The following TRIM35 variants were observed in gnomAD, a reference collection of about 807,000 sequenced individuals.
TRIM35 encodes the protein E3 ubiquitin-protein ligase TRIM35.
In TRIM35, 37 loss-of-function variants were observed where a neutral mutation model predicts 49.1. The observed-to-expected ratio is 0.75, with a 90% CI of 0.58 to 0.99. The LOEUF (loss-of-function observed/expected upper bound fraction) is 0.99. TRIM35 is among the 50% of genes least tolerant of loss of function. TRIM35 has a pLI of 0.00. For missense variants in TRIM35, 648 were observed against 702.7 expected, an observed-to-expected ratio of 0.92 and a Z score of 0.88; for synonymous variants, 302 against 289.3, an observed-to-expected ratio of 1.04 and a Z score of -0.45.
At position 27,294,278 on chromosome 8, in the gene TRIM35, C is replaced by T; in HGVS notation, c.564G>A (p.Arg188=). ...VEAAWLEGRI[R]QEFDKLREFL... ...ACTCGCGAAGCTTATCAAACTCCTG[C>T]CGGATCCGGCCTTCCAGCCATGCAG... is the stretch of plus-strand genomic sequence containing the variant. The change falls in exon 3 of 6, where the codon CGG becomes CGA. Residue 188 remains arginine (R), a synonymous_variant. Coordinates refer to ENST00000305364, the MANE Select transcript of TRIM35 (RefSeq NM_171982.5). The T allele has an allele frequency of 6.2e-7, 1 of 1,614,050 alleles. No homozygotes were observed. The highest frequency in any genetic ancestry group is 1.6e-4 in the Middle Eastern group (1 of 6,062).
rs527549535 is a variant in TRIM35, at chr8:27,294,279, C to A, written c.563G>T (p.Arg188Leu). Reference protein sequence around the residue: ...VEAAWLEGRIRQEFDKLREFL... With the variant: ...VEAAWLEGRILQEFDKLREFL... ...CTCGCGAAGCTTATCAAACTCCTGC[C>A]GGATCCGGCCTTCCAGCCATGCAGC... The change falls in exon 3 of 6, where the codon CGG (arginine) becomes CTG (leucine). Residue 188 changes from arginine to leucine, a missense_variant. Transcript: ENST00000305364. The A allele has an allele frequency of 6.2e-7, 1 of 1,614,028 alleles. No individual in the cohort carries two copies.
At chr8:27,289,886 G>A (rs912249878) in intron 4 of TRIM35, among the ~76,000 whole-genome samples, 2 of 152,152 alleles carry the variant, frequency 1.3e-5, no homozygotes, top group African/African-American at 4.8e-5. Flanking sequence ...GCCACATGCA[G>A]GATAGTGTTC....
Position 27,287,068 on chromosome 8 carries a change from A to C in TRIM35, c.*482T>G. 6.4e-6 allele frequency: 1 copy of C among 155,494 alleles called. No homozygotes were observed. The highest frequency in any genetic ancestry group is 1.4e-5 in the Non-Finnish European group (1 of 70,294). 9.6% of individuals were successfully genotyped at this position (155,494 alleles called of 1,614,324 possible). On this transcript the variant is annotated 3_prime_UTR_variant, in exon 6 of 6. Transcript: ENST00000305364. The surrounding 1 kb of genome is among the most constrained non-coding windows in gnomAD (Gnocchi z 6.0). ...ATTTCCTCCTGAGGAAACCAGAGGA[A>C]GTCTCTTGCCCACACGTTCCCCTCC...
chr8:27,288,192 C>T, intron 5 of TRIM35, 65 bp from the exon 6 acceptor site: 1 of 1,467,654 alleles, frequency 6.8e-7, no homozygotes, highest in Non-Finnish European at 9.2e-7. Context: ...ACGTGGATAT[C>T]TCCAGCCCCA....
At chr8:27,289,088 C>T (rs1802398394) in intron 5 of TRIM35, 74 bp downstream of exon 5, 2 of 1,270,912 alleles carry the variant, frequency 1.6e-6, no homozygotes, top group Non-Finnish European at 2.3e-6. Context: ...CGGCAGAGAC[C>T]AGCCCTGGTG....
chr8:27,305,476 C>T lies in TRIM35; in HGVS notation c.435+5325G>A, dbSNP rs111324546. Among the ~76,000 whole-genome samples the T allele has an allele frequency of 7.9e-5, 12 of 152,304 alleles. No individual in the cohort carries two copies. In the East Asian group the frequency reaches 1.7e-3, roughly 22 times the overall value. The stretch of plus-strand genomic sequence containing the variant: ...AAGCAAGCAACAATGTCCTCTGGTG[C>T]AACCAAAGAGCTGGTAAGTCCTCAC... On this transcript the variant is annotated intron_variant, in intron 1 of 5. Transcript: ENST00000305364.
rs955996650 is a variant in TRIM35 at position 27,286,756 on chromosome 8, C to G, written c.*794G>C. 3 of 153,150 alleles carry G rather than the reference C, an allele frequency of 2.0e-5. No individual in the cohort carries two copies. Among genetic ancestry groups the G allele is most frequent in the Admixed American group, 1.3e-4 (2 of 15,384 alleles). The allele number at this position is 153,150 out of a possible 1,614,324, so 9.5% of individuals were successfully genotyped here. ...GTATCTGGGGCCTCGCTGACCTGGA[C>G]AGACTGATCCTCCCAGGCTAGCCAA... On this transcript the variant is annotated 3_prime_UTR_variant, in exon 6 of 6. Coordinates refer to ENST00000305364, the MANE Select transcript of TRIM35 (RefSeq NM_171982.5).
At chr8:27,297,440 G>C (rs1802591908) in intron 2 of TRIM35, among the ~76,000 whole-genome samples, 3 of 152,210 alleles carry the variant, frequency 2.0e-5, no homozygotes. Context: ...AATGGGGACA[G>C]AGGGAGCCCA....
At chr8:27,304,990 C>T (rs1413385389) in intron 1 of TRIM35, 1 of 364,118 alleles carries the variant, frequency 2.7e-6, no homozygotes, top group Non-Finnish European at 5.3e-6. Context: ...CAAATCCCAG[C>T]ACCTCTACCT....
intron 3 of TRIM35, among the ~76,000 whole-genome samples, chr8:27,293,300 T>A (rs937188327): frequency 7.9e-5 from 12 of 151,878 alleles, no homozygotes; most frequent in Non-Finnish European, 1.6e-4. Context: ...GAAATTTCCC[T>A]GTAGGAAATT....
intron 4 of TRIM35, 148 bp downstream of exon 4, chr8:27,290,008 A>T: frequency 1.1e-6 from 1 of 885,844 alleles, no homozygotes; most frequent in Non-Finnish European, 1.8e-6. Flanking sequence ...GCCATTGTCC[A>T]CCTCTCCCTC....
intron 1 of TRIM35, among the ~76,000 whole-genome samples, chr8:27,306,333 T>C (rs1432256309): frequency 6.6e-6 from 1 of 151,218 alleles, no homozygotes; most frequent in African/African-American, 2.4e-5. Flanking sequence ...TTCTTTCTTT[T>C]TTTTTTTTTT....
At chr8:27,298,985 T>C (rs2292979) in intron 1 of TRIM35, among the ~76,000 whole-genome samples, 9,091 of 152,234 alleles carry the variant, frequency 0.06, 360 homozygotes, top group Middle Eastern at 0.099. Context: ...TGAATGGGTC[T>C]GCAATCTCTA....
chr8:27,294,430 A>G lies in TRIM35; in HGVS notation c.532-120T>C, dbSNP rs146771622. ...CAAATAAATCATGTATAGAACCCCT[A>G]CAGATAAAATATCAACATAATAGTT... is the stretch of plus-strand genomic sequence containing the variant. On this transcript the variant is annotated intron_variant, in intron 2 of 5. Transcript: ENST00000305364. 1,168 of 930,282 alleles carry G rather than the reference A, an allele frequency of 1.3e-3. 14 individuals carry two copies. In the African/African-American group the frequency reaches 0.018, roughly 14 times the overall value. 57.6% of individuals were successfully genotyped at this position (930,282 alleles called of 1,614,324 possible).
chr8:27,298,809 A>G (rs1802625984), intron 1 of TRIM35, among the ~76,000 whole-genome samples: 1 of 152,194 alleles, frequency 6.6e-6, no homozygotes, highest in African/African-American at 2.4e-5. Flanking sequence ...AGACTGGGAG[A>G]TGGGGCTGAG....
Position 27,289,347 on chromosome 8 carries a change from C to A in TRIM35, c.786-67G>T, listed in dbSNP as rs529633646. 7.0e-5 allele frequency: 93 copies of A among 1,322,012 alleles called. No individual in the cohort carries two copies. The African/African-American group carries it at 1.3e-3, about 18-fold the overall frequency. 81.9% of individuals were successfully genotyped at this position (1,322,012 alleles called of 1,614,324 possible). ...TGCAACCTGGGCCGAACTGGGCCAA[C>A]TGGAAACCAGCAACAGGACTTGTTC... On this transcript the variant is annotated intron_variant, in intron 4 of 5. Transcript: ENST00000305364.
intron 1 of TRIM35, among the ~76,000 whole-genome samples, chr8:27,307,983 T>C (rs1033963581): frequency 3.3e-5 from 5 of 152,152 alleles, no homozygotes; most frequent in African/African-American, 1.2e-4. Context: ...CCCAATGTCA[T>C]CACAGGGTCC....
In TRIM35 at chr8:27,310,918, T is replaced by G. The variant is rs1312189396; in HGVS notation, c.318A>C (p.Gly106=). Residue 106 remains glycine, a synonymous_variant, in exon 1 of 6, where the codon GGA becomes GGC. Transcript: ENST00000305364. ...RFSRVCRLHR[G]QLSLFCLEDK... ...CCTCGAGGCAGAAGAGGCTGAGCTG[T>G]CCGCGGTGCAGGCGGCAGACACGCG... 6.2e-7 allele frequency: 1 copy of G among 1,612,696 alleles called. No individual in the cohort carries two copies. The highest frequency in any genetic ancestry group is 1.7e-5 in the Admixed American group (1 of 59,984).
In TRIM35 at chr8:27,293,991, T is replaced by C. The variant is rs369171292; in HGVS notation, c.762+89A>G. On this transcript the variant is annotated intron_variant, in intron 3 of 5. Transcript: ENST00000305364. ...CAGTACCCAGGAAGCTCCAGGAAGA[T>C]GACGTTGGCCAGGGCTGGTGGGCTA... 31 of 1,305,618 alleles carry C rather than the reference T, an allele frequency of 2.4e-5. No individual in the cohort carries two copies. The African/African-American group carries it at 3.9e-4, about 17-fold the overall frequency. The allele number at this position is 1,305,618 out of a possible 1,614,324, so 80.9% of individuals were successfully genotyped here.
Sources: gnomAD v4.1 joint callset for allele counts (sites outside exome capture counted in the v4.1 genomes callset) on GRCh38, gnomAD v4.1.1 for gene constraint, Gnocchi (gnomAD v3.1) non-coding constraint, MANE v1.5 for transcripts, NCBI Gene and HGNC (gene_info 2026-07-23, HGNC 2026-07-21) for gene names.